NRG3: variants seen among roughly 807,000 people sequenced by gnomAD.
NRG3 encodes pro-neuregulin-3, membrane-bound isoform.
Under a neutral mutation model 66.9 loss-of-function variants are expected in NRG3, and 31 were observed. The observed-to-expected ratio is 0.46, with a 90% CI of 0.35 to 0.63. The LOEUF (loss-of-function observed/expected upper bound fraction) is 0.63. Among genes scored for constraint, NRG3 ranks in the 20% least tolerant of loss-of-function variants. The pLI is 0.00. For synonymous variants in NRG3, 393 were observed against 359.4 expected (o/e 1.09, Z -1.06); for missense variants, 910 against 878.9 (o/e 1.04, Z -0.45).
chr10:82,713,176 G>C (rs1282704596), intron 2 of NRG3, among the ~76,000 whole-genome samples: 2 of 151,048 alleles, frequency 1.3e-5, no homozygotes, highest in Admixed American at 1.3e-4. Context: ...AGGGCTAATG[G>C]GAGGCCAGGA....
At chr10:81,957,976 G>T (rs1206468280) in intron 1 of NRG3, among the ~76,000 whole-genome samples, 9 of 152,170 alleles carry the variant, frequency 5.9e-5, no homozygotes, top group Admixed American at 5.9e-4. Flanking sequence ...TGCCACATTT[G>T]ATATAAGTCT....
chr10:82,365,051 C>G (rs536342434), intron 2 of NRG3, among the ~76,000 whole-genome samples: 6 of 152,110 alleles, frequency 3.9e-5, no homozygotes, highest in Non-Finnish European at 8.8e-5. Flanking sequence ...TTGGTCATTG[C>G]GTAACGACAA....
At chr10:82,752,937 G>A (rs761201240) in intron 3 of NRG3, among the ~76,000 whole-genome samples, 15 of 152,152 alleles carry the variant, frequency 9.9e-5, no homozygotes, top group East Asian at 1.9e-4. Context: ...CTCAGAAAAC[G>A]ATGTAACAAC....
chr10:82,009,648 C>CA (rs2061501839), intron 1 of NRG3, among the ~76,000 whole-genome samples: 1 of 152,198 alleles, frequency 6.6e-6, no homozygotes, highest in African/African-American at 2.4e-5. Flanking sequence ...AACAAAAACA[C>CA]AAAAAAGGGA....
intron 2 of NRG3, among the ~76,000 whole-genome samples, chr10:82,730,155 G>A (rs1313825228): frequency 2.0e-5 from 3 of 148,200 alleles, no homozygotes; most frequent in East Asian, 2.0e-4. Flanking sequence ...GGTCGATCTC[G>A]GCCAATGCAA....
chr10:81,937,248 A>C (rs901648660), intron 1 of NRG3, among the ~76,000 whole-genome samples: 1 of 152,178 alleles, frequency 6.6e-6, no homozygotes, highest in Middle Eastern at 3.4e-3. Context: ...GGGTGTGCAA[A>C]TGTCTCCTTG....
chr10:82,372,259 A>G (rs1435680596), intron 2 of NRG3, among the ~76,000 whole-genome samples: 1 of 152,184 alleles, frequency 6.6e-6, no homozygotes, highest in Non-Finnish European at 1.5e-5. Flanking sequence ...TTTAGATGCA[A>G]TTAGAAGTAA....
chr10:82,440,080 G>C (rs1042335523), intron 2 of NRG3, among the ~76,000 whole-genome samples: 1 of 151,880 alleles, frequency 6.6e-6, no homozygotes, highest in African/African-American at 2.4e-5. Context: ...GTGGGCATTA[G>C]GACATTTTCT....
chr10:82,982,977 C>T (rs1215327972), intron 8 of NRG3, among the ~76,000 whole-genome samples: 3 of 152,158 alleles, frequency 2.0e-5, no homozygotes, highest in African/African-American at 4.8e-5. Context: ...CAAAGTTTGG[C>T]GTGAATTGCC....
At chr10:82,170,303 C>G (rs1459697054) in intron 1 of NRG3, among the ~76,000 whole-genome samples, 1 of 152,026 alleles carries the variant, frequency 6.6e-6, no homozygotes. Flanking sequence ...CAGAGTACTA[C>G]TGTCCAAAAG....
intron 3 of NRG3, among the ~76,000 whole-genome samples, chr10:82,747,514 A>G (rs1259163350): frequency 1.3e-5 from 2 of 152,110 alleles, no homozygotes; most frequent in Non-Finnish European, 2.9e-5. Context: ...ACTGGATAGT[A>G]TTAATTGCTA....
chr10:82,474,179 A>G (rs1314506136), intron 2 of NRG3, among the ~76,000 whole-genome samples: 1 of 151,862 alleles, frequency 6.6e-6, no homozygotes, highest in East Asian at 2.0e-4. Context: ...CAAGTACTCT[A>G]TTTTCTATGA....
intron 3 of NRG3, among the ~76,000 whole-genome samples, chr10:82,783,863 A>G (rs2135303470): frequency 6.6e-6 from 1 of 152,290 alleles, no homozygotes; most frequent in South Asian, 2.1e-4. Flanking sequence ...ACCACTTTAA[A>G]GTTCATATGG....
Position 82,548,464 on chromosome 10 carries a change from C to A in NRG3, c.953+189596C>A, listed in dbSNP as rs142061973. 6.6e-5 allele frequency among the ~76,000 whole-genome samples: 10 copies of A among 150,810 alleles called. No homozygotes were observed. The East Asian group carries it at 2.0e-3, about 30-fold the overall frequency. On this transcript the variant is annotated intron_variant, in intron 2 of 8. Transcript: ENST00000372141. The stretch of plus-strand genomic sequence containing the variant: ...GTCTGAATAATCATGGCCTTGTTAC[C>A]TATAGCTTCAACAATAGCAATAATA...
chr10:81,939,026 A>T (rs867438695), intron 1 of NRG3, among the ~76,000 whole-genome samples: 5 of 151,864 alleles, frequency 3.3e-5, no homozygotes, highest in Non-Finnish European at 7.4e-5. Context: ...CATGAGATTC[A>T]TTGTCCTTTA....
At chr10:82,022,983 A>G (rs185707685) in intron 1 of NRG3, among the ~76,000 whole-genome samples, 2 of 151,510 alleles carry the variant, frequency 1.3e-5, no homozygotes, top group East Asian at 3.9e-4. Flanking sequence ...ACAATGTGTA[A>G]TGATCAAATT....
At position 82,279,876 on chromosome 10, in the gene NRG3, G is replaced by A. The variant is rs74146549; in HGVS notation, c.824-78863G>A. On this transcript the variant is annotated intron_variant, in intron 1 of 8. Coordinates refer to ENST00000372141, the MANE Select transcript of NRG3 (RefSeq NM_001010848.4). ...TTCTATCCTCAGCTTACTGCAATAAGTAATGGCCTTTCTCTGGAAGAGTTC... is the reference window on the plus strand; with the variant it reads ...TTCTATCCTCAGCTTACTGCAATAAATAATGGCCTTTCTCTGGAAGAGTTC... 4.1e-3 allele frequency among the ~76,000 whole-genome samples: 619 copies of A among 152,312 alleles called. 2 individuals carry two copies. The highest frequency in any genetic ancestry group is 0.014 in the African/African-American group (586 of 41,566).
intron 3 of NRG3, among the ~76,000 whole-genome samples, chr10:82,792,980 T>TTTTG (rs1174972298): frequency 6.6e-5 from 10 of 152,006 alleles, no homozygotes; most frequent in Non-Finnish European, 1.2e-4. Context: ...CACAGAGGTT[T>TTTTG]TTTGTTTGTT....
At chr10:82,120,858 G>A (rs189494787) in intron 1 of NRG3, among the ~76,000 whole-genome samples, 47 of 152,206 alleles carry the variant, frequency 3.1e-4, no homozygotes, top group Non-Finnish European at 5.6e-4. Context: ...TGCATACGGG[G>A]AGTCTCATTA....
Sources: gnomAD v4.1 joint callset for allele counts (sites outside exome capture counted in the v4.1 genomes callset) on GRCh38, gnomAD v4.1.1 for gene constraint, MANE v1.5 for transcripts, NCBI Gene and HGNC (gene_info 2026-07-23, HGNC 2026-07-21) for gene names.